Variants in MALT1 observed in about 807,000 individuals in gnomAD.
The protein encoded by MALT1 is mucosa-associated lymphoid tissue lymphoma translocation protein 1.
In MALT1, 36 loss-of-function variants were observed where a neutral mutation model predicts 85.5. The observed-to-expected ratio is 0.42, with a 90% CI of 0.32 to 0.56. MALT1 has a LOEUF of 0.56. MALT1 is among the 20% of genes least tolerant of loss of function. MALT1 has a pLI of 0.10. For missense variants in MALT1, 716 were observed against 981.6 expected (o/e 0.73, Z 3.62); for synonymous variants, 359 against 361.3 (o/e 0.99, Z 0.07).
At chr18:58,745,070 C>T (rs2055348703) in intron 15 of MALT1, among the ~76,000 whole-genome samples, 1 of 151,666 alleles carries the variant, frequency 6.6e-6, no homozygotes, top group Admixed American at 6.6e-5. Context: ...TGCTTCATGT[C>T]AGAGTAAATG....
At chr18:58,713,149 T>C (rs1239002191) in intron 7 of MALT1, among the ~76,000 whole-genome samples, 2 of 152,168 alleles carry the variant, frequency 1.3e-5, no homozygotes, top group South Asian at 2.1e-4. Context: ...CCTTCTTCAA[T>C]TGATTTTATG....
intron 2 of MALT1, chr18:58,690,597 A>G (rs1043738353): frequency 1.3e-5 from 2 of 157,752 alleles, no homozygotes; most frequent in Non-Finnish European, 1.4e-5. Flanking sequence ...GACCCTGGGT[A>G]GAAACACCCA....
chr18:58,744,575 T>A (rs2144489305), intron 15 of MALT1, 80 bp downstream of exon 15: 1 of 711,266 alleles, frequency 1.4e-6, no homozygotes, highest in Middle Eastern at 4.1e-4. Flanking sequence ...TTAAAGTTGA[T>A]GGTAAATATA....
intron 13 of MALT1, among the ~76,000 whole-genome samples, chr18:58,739,533 A>G (rs565166455): frequency 1.3e-5 from 2 of 152,330 alleles, no homozygotes; most frequent in African/African-American, 4.8e-5. Context: ...TATTCTGGAT[A>G]AGATTAAAGT....
intron 9 of MALT1, among the ~76,000 whole-genome samples, chr18:58,720,596 C>T (rs535837595): frequency 1.3e-5 from 2 of 152,310 alleles, no homozygotes; most frequent in South Asian, 4.1e-4. Flanking sequence ...TGAACCCGTG[C>T]ATTCTGTAAA....
intron 9 of MALT1, among the ~76,000 whole-genome samples, chr18:58,719,173 G>A (rs1278910026): frequency 6.6e-6 from 1 of 152,196 alleles, no homozygotes. Context: ...TTAGCAGGTG[G>A]TTCTGCTGGT....
Position 58,671,835 on chromosome 18 carries a change from C to A in MALT1, c.192C>A (p.Arg64=). The A allele has an allele frequency of 8.1e-7, 1 of 1,228,426 alleles. No homozygotes were observed. Among genetic ancestry groups the A allele is most frequent in the Non-Finnish European group, 1.0e-6 (1 of 985,894 alleles). 76.1% of individuals were successfully genotyped at this position (1,228,426 alleles called of 1,614,324 possible). Residue 64 remains arginine, a synonymous_variant, in exon 1 of 17, where the codon CGC becomes CGA. Coordinates refer to ENST00000649217, the MANE Select transcript of MALT1 (RefSeq NM_006785.4). ...WRRLAELAGS[R]GRLRLSCLDL... ...GACTGGCGGAGCTGGCGGGGAGTCG[C>A]GGGCGCCTCCGCCTCAGGTGAGCTC... is the stretch of plus-strand genomic sequence containing the variant.
At position 58,707,824 on chromosome 18, in the gene MALT1, T is replaced by C. The variant is rs150291391; in HGVS notation, c.650-1554T>C. ...GTAGTTGTTAGGTCTGTGCTTTAGATGTATTCAGTTTACTACTGACGGAAT... is the reference window on the plus strand; with the variant it reads ...GTAGTTGTTAGGTCTGTGCTTTAGACGTATTCAGTTTACTACTGACGGAAT... On this transcript the variant is annotated intron_variant, in intron 4 of 16. Transcript: ENST00000649217. 2.4e-3 allele frequency among the ~76,000 whole-genome samples: 372 copies of C among 152,318 alleles called. 1 individual carries two copies. The highest frequency in any genetic ancestry group is 0.01 in the Middle Eastern group (3 of 294).
chr18:58,718,708 T>G (rs1209712663), intron 9 of MALT1, among the ~76,000 whole-genome samples: 2 of 152,172 alleles, frequency 1.3e-5, no homozygotes, highest in Admixed American at 1.3e-4. Flanking sequence ...TGGATACTAA[T>G]AGGAGGCAGA....
intron 2 of MALT1, 42 bp from the exon 3 acceptor site, chr18:58,696,323 CT>C (rs2054586997): frequency 3.0e-6 from 4 of 1,334,472 alleles, no homozygotes; most frequent in Non-Finnish European, 3.9e-6. Flanking sequence ...AGGAAAATCC[CT>C]CTTGTGACTT....
intron 3 of MALT1, 95 bp downstream of exon 3, chr18:58,696,582 G>A: frequency 9.6e-7 from 1 of 1,041,732 alleles, no homozygotes. Flanking sequence ...TTAACAGTTT[G>A]GTAAAAGAGT....
intron 9 of MALT1, among the ~76,000 whole-genome samples, chr18:58,719,564 G>A (rs547436665): frequency 1.3e-5 from 2 of 152,218 alleles, no homozygotes; most frequent in Admixed American, 6.5e-5. Flanking sequence ...TGAACTGGCA[G>A]AGGGGTCACA....
At chr18:58,709,070 G>A (rs1248268875) in intron 4 of MALT1, among the ~76,000 whole-genome samples, 1 of 152,200 alleles carries the variant, frequency 6.6e-6, no homozygotes, top group East Asian at 1.9e-4. Flanking sequence ...AACACATTTA[G>A]AAGACACTTG....
intron 15 of MALT1, 104 bp from the exon 16 acceptor site, chr18:58,745,545 AAATTCACGAGAGGCCAG>A (rs952432215): frequency 4.8e-6 from 4 of 828,872 alleles, no homozygotes; most frequent in East Asian, 2.5e-5. Flanking sequence ...GGGATTACCA[AAATTCACGAGAGGCCAG>A]AATTCACGAG....
chr18:58,745,617 G>T (rs769297853), intron 15 of MALT1, 49 bp from the exon 16 acceptor site: 2 of 1,510,146 alleles, frequency 1.3e-6, no homozygotes, highest in Non-Finnish European at 1.8e-6. Flanking sequence ...ATTATATTGT[G>T]GCTTTCATTG....
At chr18:58,736,682 A>G (rs113089326) in intron 13 of MALT1, among the ~76,000 whole-genome samples, 113 of 152,212 alleles carry the variant, frequency 7.4e-4, no homozygotes, top group Non-Finnish European at 1.4e-3. Flanking sequence ...AACTTCTTAT[A>G]AACATCTTAG....
At chr18:58,743,850 A>G (rs2144488062) in intron 14 of MALT1, among the ~76,000 whole-genome samples, 2 of 152,302 alleles carry the variant, frequency 1.3e-5, no homozygotes, top group Middle Eastern at 3.4e-3. Context: ...ATGCAAATTG[A>G]AAATAATTTG....
chr18:58,680,899 C>T (rs1190960793), intron 1 of MALT1, among the ~76,000 whole-genome samples: 11 of 143,212 alleles, frequency 7.7e-5, no homozygotes, highest in East Asian at 2.0e-4. Flanking sequence ...GTCCGCAGTC[C>T]GGCCTGGGCG....
At chr18:58,703,015 T>TTC in intron 4 of MALT1, among the ~76,000 whole-genome samples, 1 of 152,246 alleles carries the variant, frequency 6.6e-6, no homozygotes, top group Non-Finnish European at 1.5e-5. Flanking sequence ...TCTCATTCTT[T>TTC]TCTCTCACTT....
Sources: allele counts gnomAD v4.1 joint callset (sites outside exome capture counted in the v4.1 genomes callset), GRCh38; gene constraint gnomAD v4.1.1; transcripts MANE v1.5; gene names NCBI Gene and HGNC (gene_info 2026-07-23, HGNC 2026-07-21).